DNAH5: variants seen among roughly 807,000 people sequenced by gnomAD.
DNAH5 encodes axonemal beta dynein heavy chain 5.
In DNAH5, 372 loss-of-function variants were observed where a neutral mutation model predicts 518.2. That is an observed-to-expected ratio of 0.72 (90% CI 0.66 to 0.78). DNAH5 has a LOEUF of 0.78. Ranked by LOEUF, DNAH5 falls within the 30% of genes least tolerant of loss-of-function variation. The pLI is 0.00. For synonymous variants in DNAH5, 2,039 were observed against 2,025.9 expected (o/e 1.01, Z -0.17); for missense variants, 5,523 against 5,687.0 (o/e 0.97, Z 0.93).
chr5:13,905,201 T>G (rs1183330416), intron 12 of DNAH5, among the ~76,000 whole-genome samples: 2 of 152,194 alleles, frequency 1.3e-5, no homozygotes, highest in East Asian at 3.8e-4. Context: ...CATGCTATGG[T>G]TTAAATGTCC....
intron 15 of DNAH5, among the ~76,000 whole-genome samples, chr5:13,896,165 G>A (rs1773897867): frequency 6.6e-6 from 1 of 151,938 alleles, no homozygotes; most frequent in Non-Finnish European, 1.5e-5. Flanking sequence ...CTTTCAAAAT[G>A]AGAATTCAGA....
At position 13,718,886 on chromosome 5, in the gene DNAH5, A is replaced by G. The variant is rs373536906; in HGVS notation, c.12495T>C (p.Tyr4165=). The part of the protein sequence containing the change: ...QGLRAGLKRT[Y]SGVSQDLLDV... ...CGCAAGTATTTCTGGACTCACCACT[A>G]TATGTTCTTTTCAGTCCTGCCCGGA... The change falls in exon 72 of 79, where the codon TAT becomes TAC. Residue 4165 remains tyrosine, a synonymous_variant. Coordinates refer to ENST00000265104, the MANE Select transcript of DNAH5 (RefSeq NM_001369.3). The G allele has an allele frequency of 6.2e-7, 1 of 1,610,736 alleles. No homozygotes were observed. Among genetic ancestry groups the G allele is most frequent in the Non-Finnish European group, 8.5e-7 (1 of 1,176,952 alleles).
chr5:13,808,966 T>C, intron 46 of DNAH5, 78 bp downstream of exon 46: 1 of 1,555,396 alleles, frequency 6.4e-7, no homozygotes, highest in South Asian at 1.1e-5. Context: ...TCTCAGTAAA[T>C]AACTAAATAA....
At chr5:13,771,232 G>A in intron 55 of DNAH5, 1 of 485,888 alleles carries the variant, frequency 2.1e-6, no homozygotes, top group South Asian at 2.1e-5. Flanking sequence ...TGCTTGTGCA[G>A]AGACATCTCT....
chr5:13,886,158 A>G lies in DNAH5; in HGVS notation c.2578-29T>C, dbSNP rs915601254. 4 of 1,516,604 alleles carry G rather than the reference A, an allele frequency of 2.6e-6. No homozygotes were observed. The African/African-American group carries it at 5.6e-5, about 21-fold the overall frequency. 93.9% of individuals were successfully genotyped at this position (1,516,604 alleles called of 1,614,324 possible). A position where few individuals can be genotyped will look rare whatever the true frequency, so the allele number is the denominator to read the frequency against. On this transcript the variant is annotated intron_variant, in intron 17 of 78. Transcript: ENST00000265104. ...ACCAAAAAAAAAAAAAAAAAAAGAT[A>G]GCACAGTGGTATATGGTTTATCTAG...
chr5:13,743,536 C>T (rs1748902749), intron 65 of DNAH5, among the ~76,000 whole-genome samples: 1 of 151,906 alleles, frequency 6.6e-6, no homozygotes, highest in African/African-American at 2.4e-5. Context: ...GAAAAGATAA[C>T]TTATGAAATG....
intron 1 of DNAH5, among the ~76,000 whole-genome samples, chr5:14,007,964 G>A (rs919222812): frequency 6.6e-6 from 1 of 152,042 alleles, no homozygotes; most frequent in East Asian, 1.9e-4. Flanking sequence ...CCTGAGGTGA[G>A]GAGTTCGAGA....
intron 15 of DNAH5, among the ~76,000 whole-genome samples, chr5:13,897,142 G>C (rs529661115): frequency 6.6e-6 from 1 of 152,338 alleles, no homozygotes; most frequent in South Asian, 2.1e-4. Flanking sequence ...GTATTTCCCA[G>C]ATGGACCTCA....
At chr5:13,823,412 T>G in intron 39 of DNAH5, 42 bp from the exon 40 acceptor site, 1 of 1,315,782 alleles carries the variant, frequency 7.6e-7, no homozygotes, top group Non-Finnish European at 1.1e-6. Flanking sequence ...TATTCTGGTA[T>G]AAACATATCA....
rs2151943048 is a variant in DNAH5 at position 13,886,059 on chromosome 5, A to G, written c.2648T>C (p.Leu883Pro). The G allele has an allele frequency of 6.2e-7, 1 of 1,612,292 alleles. No homozygotes were observed. The highest frequency in any genetic ancestry group is 8.5e-7 in the Non-Finnish European group (1 of 1,179,810). ...SSLVEEAVNE[L>P]VNMLLDVEVL... ...TTCCACATCCAGCAACATATTTACA[A>G]GCTCATTGACTGCCTCCTCCACTAA... Residue 883 changes from leucine to proline, a missense_variant, in exon 18 of 79, where the codon CTT (leucine) becomes CCT (proline). Physicochemically the swap from Leu to Pro is moderately conservative, Grantham distance 98 (BLOSUM62 -3). Transcript: ENST00000265104.
chr5:13,820,639 A>G, intron 40 of DNAH5, 140 bp from the exon 41 acceptor site: 3 of 943,962 alleles, frequency 3.2e-6, no homozygotes, highest in Admixed American at 3.7e-5. Flanking sequence ...CCAGGCCAAC[A>G]TGGTGAAACC....
chr5:13,952,863 G>A (rs339440), intron 1 of DNAH5, among the ~76,000 whole-genome samples: 4,698 of 152,198 alleles, frequency 0.031, 247 homozygotes, highest in African/African-American at 0.11. Context: ...GCTCACTGCA[G>A]CCTGGAATTC....
chr5:13,829,672 A>G lies in DNAH5; in HGVS notation c.6282T>C (p.Pro2094=), dbSNP rs375699422. 4 of 1,614,100 alleles carry G rather than the reference A, an allele frequency of 2.5e-6. No individual in the cohort carries two copies. Among genetic ancestry groups the G allele is most frequent in the Non-Finnish European group, 3.4e-6 (4 of 1,180,038 alleles). ...AGCGGAAATTAATCTTCAAGTTTTCAGGGAGTTCCTGCCGTCCGGCATAGC... is the reference window on the plus strand; with the variant it reads ...AGCGGAAATTAATCTTCAAGTTTTCGGGGAGTTCCTGCCGTCCGGCATAGC... The part of the protein sequence containing the change: ...NPGYAGRQEL[P]ENLKINFRSV... The change falls in exon 38 of 79, where the codon CCT becomes CCC. Residue 2094 remains proline (P), a synonymous_variant. Transcript: ENST00000265104.
At chr5:13,809,975 G>GA (rs1038966722) in intron 45 of DNAH5, 84 bp downstream of exon 45, 6 of 1,326,830 alleles carry the variant, frequency 4.5e-6, no homozygotes, top group African/African-American at 1.5e-5. Context: ...ATCTCATTTA[G>GA]AAAAAATATA....
In DNAH5 at chr5:13,810,115, A is replaced by C; in HGVS notation, c.7553T>G (p.Leu2518Arg). 1 of 1,550,726 alleles carries C rather than the reference A, an allele frequency of 6.4e-7. No homozygotes were observed. Among genetic ancestry groups the C allele is most frequent in the Non-Finnish European group, 8.7e-7 (1 of 1,147,438 alleles). Residue 2518 changes from leucine to arginine, a missense_variant, in exon 45 of 79, where the codon CTG (leucine) becomes CGG (arginine). By Grantham distance (102) the Leu-to-Arg change is moderately radical. Transcript: ENST00000265104. ...LRSRPTGTLE[L>R]PPPAGPGDTA... ...GTCCCCGGGCCCCGCTGGCGGCGGC[A>C]GCTCCAGCGTCCCTGTGGGCCGAGA...
chr5:13,725,022 A>C (rs1480650228), intron 70 of DNAH5, among the ~76,000 whole-genome samples: 1 of 152,190 alleles, frequency 6.6e-6, no homozygotes, highest in Admixed American at 6.5e-5. Flanking sequence ...ACAGATATAA[A>C]CCTTGGTCCA....
intron 1 of DNAH5, among the ~76,000 whole-genome samples, chr5:13,962,088 G>T (rs1384784358): frequency 6.6e-6 from 1 of 152,018 alleles, no homozygotes; most frequent in African/African-American, 2.4e-5. Context: ...TTGGATATAT[G>T]CATATACCCA....
chr5:13,751,958 A>T (rs1052049127), intron 64 of DNAH5, among the ~76,000 whole-genome samples, 176 bp downstream of exon 64: 3 of 152,206 alleles, frequency 2.0e-5, no homozygotes, highest in Admixed American at 6.5e-5. Context: ...CAATACTCCT[A>T]AAAGGCTTGC....
At chr5:13,988,979 G>A (rs969888727) in intron 1 of DNAH5, among the ~76,000 whole-genome samples, 6 of 151,718 alleles carry the variant, frequency 4.0e-5, no homozygotes, top group Non-Finnish European at 5.9e-5. Context: ...CGCCCACCTC[G>A]ACCTCCCAAA....
Sources: gnomAD v4.1 joint callset for allele counts (sites outside exome capture counted in the v4.1 genomes callset) on GRCh38, gnomAD v4.1.1 for gene constraint, MANE v1.5 for transcripts, NCBI Gene and HGNC (gene_info 2026-07-23, HGNC 2026-07-21) for gene names.